The following QRICH2 variants were observed in gnomAD, a reference collection of about 807,000 sequenced individuals.
QRICH2 encodes the protein glutamine rich 2.
In QRICH2, 119 loss-of-function variants were observed where a neutral mutation model predicts 168.3. The ratio of observed to expected loss-of-function variants is 0.71; its 90% CI spans 0.61 to 0.82. The LOEUF (loss-of-function observed/expected upper bound fraction) is 0.82. Ranked by LOEUF, QRICH2 falls within the 40% of genes least tolerant of loss-of-function variation. The probability of loss-of-function intolerance (pLI) is 0.00; values close to 1 mark genes in which losing one functional copy is unlikely to be tolerated. For missense variants in QRICH2, 2,241 were observed against 2,491.6 expected (o/e 0.90, Z 2.14); for synonymous variants, 894 against 951.2 (o/e 0.94, Z 1.11).
chr17:76,288,261 G>A (rs1053405471), intron 5 of QRICH2, among the ~76,000 whole-genome samples: 1 of 151,930 alleles, frequency 6.6e-6, no homozygotes, highest in Non-Finnish European at 1.5e-5. Context: ...GCTGGCGCCT[G>A]TAATCCCAGC....
At position 76,291,013 on chromosome 17, in the gene QRICH2, A is replaced by C. The variant is rs767658444; in HGVS notation, c.3712+2T>G. The C allele has an allele frequency of 6.2e-7, 1 of 1,608,498 alleles. No homozygotes were observed. The highest frequency in any genetic ancestry group is 1.1e-5 in the South Asian group (1 of 91,012). Reference sequence around the variant, plus strand: ...TCTCCTCTATCGGCAAGCGGCACCCACCCATCTGTGCCAGCAGGAACTGGA... The same window carrying C: ...TCTCCTCTATCGGCAAGCGGCACCCCCCCATCTGTGCCAGCAGGAACTGGA... On this transcript the variant is annotated splice_donor_variant, in intron 4 of 18. Coordinates refer to ENST00000680821, the MANE Select transcript of QRICH2 (RefSeq NM_001388453.1). LOFTEE classifies it high-confidence loss of function.
Position 76,307,585 on chromosome 17 carries a change from G to C in QRICH2, c.414C>G (p.Ser138Arg). The change falls in exon 1 of 19, where the codon AGC becomes AGG. Residue 138 changes from serine (S) to arginine (R), a missense_variant. By Grantham distance (110) the Ser-to-Arg change is moderately radical. This residue lies in a region of QRICH2 where 2,047 missense variants were observed against 2,303.8 expected (regional missense o/e 0.89). Transcript: ENST00000680821. This position sits in a 1 kb window ranked among gnomAD's most constrained non-coding sequence, Gnocchi z 5.3. ...ACTCTAGCGCGGCCAGGTCAAGCCC[G>C]CTGGCCTGGGAGAAGTGCTGCACGT... ...ATHVQHFSQA[S>R]GLDLAALEWP... 2 of 1,560,494 alleles carry C rather than the reference G, an allele frequency of 1.3e-6. No individual in the cohort carries two copies. The highest frequency in any genetic ancestry group is 1.7e-6 in the Non-Finnish European group (2 of 1,152,210).
rs140703547 is a variant in QRICH2, at chr17:76,292,611, C to G, written c.2116G>C (p.Asp706His). 7 of 1,613,730 alleles carry G rather than the reference C, an allele frequency of 4.3e-6. No individual in the cohort carries two copies. In the African/African-American group the frequency reaches 8.0e-5, roughly 18 times the overall value. The change falls in exon 4 of 19, where the codon GAT becomes CAT. Residue 706 changes from aspartate (D) to histidine (H), a missense_variant. Transcript: ENST00000680821. Reference sequence around the variant, plus strand: ...CCAGATTGTACCAAACCATGCTGATCTGCACCAGGTTGCACCACATCAATC... The same window carrying G: ...CCAGATTGTACCAAACCATGCTGATGTGCACCAGGTTGCACCACATCAATC... The part of the protein sequence containing the change: ...DQIDVVQPGA[D>H]QHGLVQSGAD...
Position 76,293,737 on chromosome 17 carries a change from A to C in QRICH2, c.990T>G (p.Ser330=), listed in dbSNP as rs779778178. ...DEAGVPRLHQ[S]STFQFKSDSD... is the part of the protein sequence containing the mutation. ...AGTCTGATTTGAATTGGAATGTAGA[A>C]GACTGATGGAGTCGTGGCACGCCAG... The change falls in exon 4 of 19, where the codon TCT becomes TCG. Residue 330 remains serine, a synonymous_variant. Coordinates refer to ENST00000680821, the MANE Select transcript of QRICH2 (RefSeq NM_001388453.1). 1 of 1,614,164 alleles carries C rather than the reference A, an allele frequency of 6.2e-7. No individual in the cohort carries two copies. Among genetic ancestry groups the C allele is most frequent in the Non-Finnish European group, 8.5e-7 (1 of 1,180,034 alleles).
chr17:76,304,101 C>G (rs1302103560), intron 3 of QRICH2, among the ~76,000 whole-genome samples: 1 of 152,106 alleles, frequency 6.6e-6, no homozygotes, highest in African/African-American at 2.4e-5. Context: ...ACCAACCATA[C>G]AGCGCTGGGG....
rs372719249 is a variant in QRICH2, at chr17:76,293,562, G to A, written c.1165C>T (p.Arg389Cys). Residue 389 changes from arginine to cysteine, a missense_variant, in exon 4 of 19, where the codon CGT becomes TGT. By Grantham distance (180) the Arg-to-Cys change is radical. Around this residue, in one of 3 missense-constraint regions of QRICH2, gnomAD observed 2,047 missense variants for 2,303.8 expected, o/e 0.89. Coordinates refer to ENST00000680821, the MANE Select transcript of QRICH2 (RefSeq NM_001388453.1). ...SQSQVHLRPD[R>C]RGLEPTGMNQ... Reference sequence around the variant, plus strand: ...ATGCCAGTTGGTTCTAACCCACGACGATCTGGCCTTAGATGGACCTGACTC... The same window carrying A: ...ATGCCAGTTGGTTCTAACCCACGACAATCTGGCCTTAGATGGACCTGACTC... 8 of 1,614,076 alleles carry A rather than the reference G, an allele frequency of 5.0e-6. No homozygotes were observed. Among genetic ancestry groups the A allele is most frequent in the Admixed American group, 1.7e-5 (1 of 60,002 alleles).
intron 5 of QRICH2, 44 bp downstream of exon 5, chr17:76,289,948 T>C (rs1425149314): frequency 8.1e-6 from 11 of 1,356,562 alleles, no homozygotes; most frequent in Non-Finnish European, 1.1e-5. Flanking sequence ...CAAAACTCCA[T>C]CTCAAAAAAA....
rs73354350 is a variant in QRICH2, at chr17:76,302,507, C to T, written c.705+1908G>A. Among the ~76,000 whole-genome samples, 635 of 152,178 alleles carry T rather than the reference C, an allele frequency of 4.2e-3. 6 individuals are homozygous for T. Among genetic ancestry groups the T allele is most frequent in the African/African-American group, 0.014 (593 of 41,514 alleles). On this transcript the variant is annotated intron_variant, in intron 3 of 18. Coordinates refer to ENST00000680821, the MANE Select transcript of QRICH2 (RefSeq NM_001388453.1). The stretch of plus-strand genomic sequence containing the variant: ...GCAGGTACAATTAAGGATCTTGAGA[C>T]GGAGGGAGTATCCCGGATTATCCGG...
chr17:76,286,585 C>G (rs2070888666), intron 7 of QRICH2, among the ~76,000 whole-genome samples: 1 of 152,068 alleles, frequency 6.6e-6, no homozygotes, highest in Admixed American at 6.6e-5. Flanking sequence ...GATAGTTGCA[C>G]AACTTTGTAC....
rs954275194 is a variant in QRICH2 at position 76,281,580 on chromosome 17, C to T, written c.4263+284G>A. Among the ~76,000 whole-genome samples, 3 of 152,184 alleles carry T rather than the reference C, an allele frequency of 2.0e-5. No individual in the cohort carries two copies. Among genetic ancestry groups the T allele is most frequent in the Non-Finnish European group, 4.4e-5 (3 of 68,034 alleles). ...CAGTTGGGCCTGTGTCTCCAGGGCA[C>T]GCGAAGGGCACTGATCTGTCCTCAG... On this transcript the variant is annotated intron_variant, in intron 8 of 18. Coordinates refer to ENST00000680821, the MANE Select transcript of QRICH2 (RefSeq NM_001388453.1). The surrounding 1 kb of genome is among the most constrained non-coding windows in gnomAD (Gnocchi z 4.4).
Position 76,274,092 on chromosome 17 carries a change from C to T in QRICH2, c.5651G>A (p.Ser1884Asn). Residue 1884 changes from serine (S) to asparagine (N), a missense_variant, in exon 19 of 19, where the codon AGC becomes AAC. Physicochemically the swap from Ser to Asn is conservative, Grantham distance 46. Around this residue, in one of 3 missense-constraint regions of QRICH2, gnomAD observed 189 missense variants for 169.3 expected, o/e 1.12. Coordinates refer to ENST00000680821, the MANE Select transcript of QRICH2 (RefSeq NM_001388453.1). The stretch of plus-strand genomic sequence containing the variant: ...TTACACCTCCGCTCACTGAGCGGTG[C>T]TGGACCGCGGCCCCCGCGTGGGCTC... ...LEEPTRGPRS[S>N]TAQ 6.3e-7 allele frequency: 1 copy of T among 1,578,096 alleles called. No individual in the cohort carries two copies. The highest frequency in any genetic ancestry group is 8.6e-7 in the Non-Finnish European group (1 of 1,167,360).
chr17:76,288,521 A>C (rs746428358), intron 5 of QRICH2, among the ~76,000 whole-genome samples: 11 of 151,382 alleles, frequency 7.3e-5, no homozygotes, highest in Non-Finnish European at 1.5e-4. Context: ...CCTGACCAAC[A>C]TGGTGAAACC....
At chr17:76,306,489 CGT>C (rs1314158142) in intron 1 of QRICH2, among the ~76,000 whole-genome samples, 2 of 152,210 alleles carry the variant, frequency 1.3e-5, no homozygotes, top group Non-Finnish European at 2.9e-5. Flanking sequence ...GAGACATGCA[CGT>C]GTCTATTACC....
At chr17:76,284,725 G>A (rs1046081797) in intron 7 of QRICH2, among the ~76,000 whole-genome samples, 3 of 151,788 alleles carry the variant, frequency 2.0e-5, no homozygotes, top group African/African-American at 7.3e-5. Context: ...GGCTGAGGCA[G>A]GAGAATCACT....
rs147057895 is a variant in QRICH2 at position 76,290,014 on chromosome 17, T to C, written c.3776A>G (p.Glu1259Gly). The C allele has an allele frequency of 1.4e-4, 233 of 1,611,190 alleles. No individual in the cohort carries two copies. The African/African-American group carries it at 2.6e-3, about 18-fold the overall frequency. ...QLKTVKTLAK[E>G]VWQEKAKVER... ...TACTTTTGCTTTCTCCTGCCAAACTTCTTTGGCTAGCGTCTTTACGGTCTT... is the reference window on the plus strand; with the variant it reads ...TACTTTTGCTTTCTCCTGCCAAACTCCTTTGGCTAGCGTCTTTACGGTCTT... The change falls in exon 5 of 19, where the codon GAA (glutamate) becomes GGA (glycine). Residue 1259 changes from glutamate to glycine, a missense_variant. Glu to Gly is a moderately conservative substitution (Grantham distance 98, BLOSUM62 -2). Around this residue, in one of 3 missense-constraint regions of QRICH2, gnomAD observed 2,047 missense variants for 2,303.8 expected, o/e 0.89. Transcript: ENST00000680821.
At chr17:76,294,683 C>T (rs1195032050) in intron 3 of QRICH2, among the ~76,000 whole-genome samples, 1 of 150,506 alleles carries the variant, frequency 6.6e-6, no homozygotes, top group Non-Finnish European at 1.5e-5. Context: ...TGTGATAGTG[C>T]ATGCCTGTAA....
Position 76,308,266 on chromosome 17 carries a change from G to A in QRICH2, c.-268C>T, listed in dbSNP as rs1216870687. The A allele has an allele frequency of 5.1e-6, 5 of 985,292 alleles. No individual in the cohort carries two copies. Among genetic ancestry groups the A allele is most frequent in the South Asian group, 9.4e-5 (2 of 21,288 alleles). The allele number at this position is 985,292 out of a possible 1,614,324, so 61.0% of individuals were successfully genotyped here. A position where few individuals can be genotyped will look rare whatever the true frequency, so the allele number is the denominator to read the frequency against. On this transcript the variant is annotated 5_prime_UTR_variant, in exon 1 of 19. Transcript: ENST00000680821. ...GCCCTGGACTCCCAGTCCCCGCGCC[G>A]GCGGACGTTTGAAACGTGGGGGCCC...
At chr17:76,279,661 C>T (rs955753126) in intron 12 of QRICH2, among the ~76,000 whole-genome samples, 6 of 152,162 alleles carry the variant, frequency 3.9e-5, no homozygotes, top group Non-Finnish European at 7.4e-5. Context: ...AAGTCTCGGG[C>T]GCCCCCTGGC....
intron 3 of QRICH2, among the ~76,000 whole-genome samples, chr17:76,296,397 T>C (rs76328336): frequency 0.016 from 2,380 of 152,132 alleles, 71 homozygotes; most frequent in African/African-American, 0.055. Context: ...GGAGGGGGAA[T>C]TGAGGTGGAG....
Sources: allele counts gnomAD v4.1 joint callset (sites outside exome capture counted in the v4.1 genomes callset), GRCh38; gene constraint gnomAD v4.1.1; regional missense constraint gnomAD v4.1.1; non-coding constraint Gnocchi (gnomAD v3.1); transcripts MANE v1.5; gene names NCBI Gene and HGNC (gene_info 2026-07-23, HGNC 2026-07-21).